The following CNBD2 variants were observed in gnomAD, a reference collection of about 807,000 sequenced individuals.
The protein encoded by CNBD2 is cyclic nucleotide binding domain containing 2, also known as cyclic nucleotide-binding domain-containing protein 2.
A neutral mutation model predicts 63.7 loss-of-function variants in CNBD2; 64 were observed. That is an observed-to-expected ratio of 1.00 (90% CI 0.82 to 1.24). CNBD2 has a LOEUF of 1.24. Ranked by LOEUF, CNBD2 falls within the 50% of genes most tolerant of loss-of-function variation. CNBD2 has a pLI of 0.00. For synonymous variants in CNBD2, 229 were observed against 255.4 expected, an observed-to-expected ratio of 0.90 and a Z score of 0.99; for missense variants, 691 against 713.5, an observed-to-expected ratio of 0.97 and a Z score of 0.36.
rs1267226799 is a variant in CNBD2, at chr20:36,011,134, C to G, written c.1149-3C>G. On this transcript the variant is annotated splice_region_variant and splice_polypyrimidine_tract_variant and intron_variant, in intron 9 of 11. Coordinates refer to ENST00000373973, the MANE Select transcript of CNBD2 (RefSeq NM_001365709.1). ...AGCTCTCTAACAAGCTGTCACATTT[C>G]AGATCCAGGCCTGCTCAGTCGATCA... 1 of 1,534,344 alleles carries G rather than the reference C, an allele frequency of 6.5e-7. No homozygotes were observed. The highest frequency in any genetic ancestry group is 1.3e-5 in the South Asian group (1 of 79,176).
At chr20:35,965,426 C>CA (rs2056338287), upstream of CNBD2, among the ~76,000 whole-genome samples, 2 of 152,168 alleles carry the variant, frequency 1.3e-5, no homozygotes, top group Admixed American at 6.5e-5. Context: ...GATCCACCCG[C>CA]ATCAGCCTCC....
At chr20:35,976,796 T>C (rs891650998) in intron 3 of CNBD2, among the ~76,000 whole-genome samples, 1 of 152,230 alleles carries the variant, frequency 6.6e-6, no homozygotes, top group Non-Finnish European at 1.5e-5. Context: ...TTCTCACCAA[T>C]GCAGACCTGA....
upstream of CNBD2, among the ~76,000 whole-genome samples, chr20:35,965,698 T>G (rs528558688): frequency 6.6e-5 from 10 of 152,326 alleles, no homozygotes; most frequent in East Asian, 1.9e-3. Flanking sequence ...TGTGTGACTC[T>G]GAATCCCCAG....
chr20:36,030,321 G>T (rs772636435), intron 11 of CNBD2, 36 bp from the exon 12 acceptor site: 1 of 1,607,784 alleles, frequency 6.2e-7, no homozygotes, highest in South Asian at 1.1e-5. Flanking sequence ...GGGCGGGACT[G>T]GCATGAGAAC....
chr20:35,965,172 T>C (rs2056335808), upstream of CNBD2, among the ~76,000 whole-genome samples: 1 of 149,438 alleles, frequency 6.7e-6, no homozygotes, highest in Non-Finnish European at 1.5e-5. Context: ...ATCTTCTCTC[T>C]CCCTCTCTCT....
At chr20:35,980,700 G>C in intron 4 of CNBD2, 78 bp downstream of exon 4, 1 of 1,388,686 alleles carries the variant, frequency 7.2e-7, no homozygotes, top group Non-Finnish European at 1.0e-6. Context: ...AGGTGTGGCA[G>C]GTCCTGCCCA....
intron 7 of CNBD2, among the ~76,000 whole-genome samples, chr20:35,994,357 G>C (rs558994925): frequency 1.3e-5 from 2 of 150,098 alleles, no homozygotes; most frequent in Non-Finnish European, 3.0e-5. Flanking sequence ...GAGCCACAAG[G>C]CCGGCTTAAT....
At chr20:36,020,319 G>A (rs1209012807) in intron 10 of CNBD2, among the ~76,000 whole-genome samples, 1 of 152,054 alleles carries the variant, frequency 6.6e-6, no homozygotes, top group African/African-American at 2.4e-5. Flanking sequence ...CTGACCTCGT[G>A]ATCTGCCCAC....
chr20:35,968,957 G>A (rs1243653669), intron 1 of CNBD2, 144 bp downstream of exon 1: 1 of 631,842 alleles, frequency 1.6e-6, no homozygotes, highest in East Asian at 3.0e-5. Context: ...TGGCACAAAG[G>A]AGGGACCCCT....
chr20:36,002,922 A>C (rs1459561937), intron 8 of CNBD2, among the ~76,000 whole-genome samples: 2 of 152,028 alleles, frequency 1.3e-5, no homozygotes, highest in Non-Finnish European at 2.9e-5. Flanking sequence ...TTGGATTGCA[A>C]CATGTATATT....
chr20:35,975,423 C>T (rs2056498070), intron 2 of CNBD2, among the ~76,000 whole-genome samples: 1 of 112,652 alleles, frequency 8.9e-6, no homozygotes, highest in African/African-American at 3.7e-5. Flanking sequence ...GCCTCAGCCT[C>T]CCGAGTAGCT....
chr20:36,007,256 T>C (rs965465436), intron 8 of CNBD2, among the ~76,000 whole-genome samples: 2 of 152,204 alleles, frequency 1.3e-5, no homozygotes, highest in Non-Finnish European at 2.9e-5. Flanking sequence ...TGGCTTCTTT[T>C]ACTTAGCATG....
At chr20:36,028,685 G>GTTTTATTTTTTTT (rs2057309166) in intron 11 of CNBD2, among the ~76,000 whole-genome samples, 2 of 140,116 alleles carry the variant, frequency 1.4e-5, no homozygotes, top group African/African-American at 6.1e-5. Context: ...TCACGGGCTG[G>GTTTTATTTTTTTT]TTTTTTTTGG....
intron 10 of CNBD2, among the ~76,000 whole-genome samples, chr20:36,022,664 T>C (rs1309905981): frequency 1.3e-5 from 2 of 149,260 alleles, no homozygotes; most frequent in Non-Finnish European, 3.0e-5. Flanking sequence ...AGTCTCTCGC[T>C]CTGTTGCCCA....
At chr20:36,029,318 TG>T (rs5841222) in intron 11 of CNBD2, among the ~76,000 whole-genome samples, 3,800 of 152,344 alleles carry the variant, frequency 0.025, 89 homozygotes, top group South Asian at 0.12. Context: ...GCTTGACACA[TG>T]GTAAGTTCTA....
intron 7 of CNBD2, among the ~76,000 whole-genome samples, chr20:35,992,409 T>C (rs1049144990): frequency 2.6e-5 from 4 of 152,166 alleles, no homozygotes; most frequent in African/African-American, 9.7e-5. Context: ...TTGGTAAGCA[T>C]ACAAACACAT....
rs2056632266 is a variant in CNBD2 at position 35,984,043 on chromosome 20, T to C, written c.469T>C (p.Tyr157His). Residue 157 changes from tyrosine to histidine, a missense_variant, in exon 5 of 12, where the codon TAC becomes CAC. Transcript: ENST00000373973. ...GAAGGGCAACAGCTTTTATTTCATCTACCTGGGCACAGTTGCAATAACCAA... is the reference window on the plus strand; with the variant it reads ...GAAGGGCAACAGCTTTTATTTCATCCACCTGGGCACAGTTGCAATAACCAA... ...GQKGNSFYFI[Y>H]LGTVAITKDE... 1 of 1,614,098 alleles carries C rather than the reference T, an allele frequency of 6.2e-7. No homozygotes were observed. Among genetic ancestry groups the C allele is most frequent in the Non-Finnish European group, 8.5e-7 (1 of 1,180,048 alleles).
intron 9 of CNBD2, among the ~76,000 whole-genome samples, chr20:36,010,886 A>T (rs113489714): frequency 0.04 from 6,076 of 152,260 alleles, 261 homozygotes; most frequent in African/African-American, 0.11. Context: ...CCCTGCCTCC[A>T]GGAGAACAGC....
At chr20:35,972,876 G>T (rs1453503852) in intron 2 of CNBD2, 110 bp downstream of exon 2, 4 of 1,041,642 alleles carry the variant, frequency 3.8e-6, no homozygotes, top group Non-Finnish European at 5.7e-6. Context: ...AGGAAAAGCA[G>T]ATGAGAGACC....
Sources: allele counts gnomAD v4.1 joint callset (sites outside exome capture counted in the v4.1 genomes callset), GRCh38; gene constraint gnomAD v4.1.1; transcripts MANE v1.5; gene names NCBI Gene and HGNC (gene_info 2026-07-23, HGNC 2026-07-21).